SMIM13: variants seen among roughly 807,000 people sequenced by gnomAD.
SMIM13 encodes UPF0766 protein C6orf228.
SMIM13 carries 3 observed loss-of-function variants against 5.9 expected under a neutral mutation model. The observed-to-expected ratio is 0.51, with a 90% confidence interval of 0.23 to 1.31. SMIM13 has a LOEUF of 1.31. Ranked by LOEUF, SMIM13 falls within the 40% of genes most tolerant of loss-of-function variation. The probability of loss-of-function intolerance (pLI) is 0.18; values close to 1 mark genes in which losing one functional copy is unlikely to be tolerated. For missense variants in SMIM13, 85 were observed against 109.9 expected (o/e 0.77, Z 1.01); for synonymous variants, 55 against 46.0 (o/e 1.19, Z -0.79).
intron 1 of SMIM13, among the ~76,000 whole-genome samples, chr6:11,117,432 C>T (rs1318512430): frequency 6.6e-6 from 1 of 151,774 alleles, no homozygotes; most frequent in Non-Finnish European, 1.5e-5. Context: ...GCCTTGGCCT[C>T]CCAAGGTGTT....
Position 11,094,517 on chromosome 6 carries a change from T to A in SMIM13, c.76+128T>A, listed in dbSNP as rs78628325. 586 of 738,566 alleles carry A rather than the reference T, an allele frequency of 7.9e-4. 9 individuals are homozygous for A. The East Asian group carries it at 0.016, about 21-fold the overall frequency. The allele number at this position is 738,566 out of a possible 1,614,324, so 45.8% of individuals were successfully genotyped here. A position where few individuals can be genotyped will look rare whatever the true frequency, so the allele number is the denominator to read the frequency against. On this transcript the variant is annotated intron_variant, in intron 1 of 1. Coordinates refer to ENST00000416247, the MANE Select transcript of SMIM13 (RefSeq NM_001135575.2). The stretch of plus-strand genomic sequence containing the variant: ...GACGGACAATTGTCTTAAAATCAAC[T>A]GTTGTCCCTTAGCCTCTAGGGCTGA...
At position 11,134,634 on chromosome 6, in the gene SMIM13, G is replaced by A; in HGVS notation, c.*32G>A. ...ACTTGTGAAGGATGAAAAGGCAGTT[G>A]CCAGCTTCTGTCTTTTACTGACTTC... On this transcript the variant is annotated 3_prime_UTR_variant, in exon 2 of 2. Coordinates refer to ENST00000416247, the MANE Select transcript of SMIM13 (RefSeq NM_001135575.2). 1 of 1,403,852 alleles carries A rather than the reference G, an allele frequency of 7.1e-7. No individual in the cohort carries two copies. The highest frequency in any genetic ancestry group is 9.4e-7 in the Non-Finnish European group (1 of 1,065,800). The allele number at this position is 1,403,852 out of a possible 1,614,324, so 87.0% of individuals were successfully genotyped here.
At chr6:11,123,314 C>T (rs1328902860) in intron 1 of SMIM13, among the ~76,000 whole-genome samples, 2 of 152,220 alleles carry the variant, frequency 1.3e-5, no homozygotes, top group Admixed American at 6.5e-5. Flanking sequence ...GTGCTTGTCC[C>T]TCGTAAGGGC....
intron 1 of SMIM13, among the ~76,000 whole-genome samples, chr6:11,102,087 A>G (rs2113640378): frequency 6.6e-6 from 1 of 152,244 alleles, no homozygotes; most frequent in East Asian, 1.9e-4. Context: ...CAAAAATCTT[A>G]TTTTTAGGAA....
chr6:11,094,255 C>T lies in SMIM13; in HGVS notation c.-59C>T, dbSNP rs1757891780. The T allele has an allele frequency of 2.7e-6, 3 of 1,124,968 alleles. No homozygotes were observed. Among genetic ancestry groups the T allele is most frequent in the Non-Finnish European group, 3.4e-6 (3 of 872,162 alleles). The allele number at this position is 1,124,968 out of a possible 1,614,324, so 69.7% of individuals were successfully genotyped here. On this transcript the variant is annotated 5_prime_UTR_variant, in exon 1 of 2. Transcript: ENST00000416247. ...CGCTGAAGCGCAGGACGCGCCGCCG[C>T]CCGCGCTCACCGCCGTCCGCGCCAG...
Position 11,116,982 on chromosome 6 carries a change from C to CTTTT in SMIM13, c.77-17397_77-17394dup, listed in dbSNP as rs68092921. ...AATAGACATTTAATGATAATTGTTT[C>CTTTT]TTTTTTTTTTTTTTTTTTTTTTTTT... On this transcript the variant is annotated intron_variant, in intron 1 of 1. Coordinates refer to ENST00000416247, the MANE Select transcript of SMIM13 (RefSeq NM_001135575.2). Among the ~76,000 whole-genome samples the CTTTT allele has an allele frequency of 3.6e-3, 168 of 46,448 alleles. 44 individuals carry two copies. Among genetic ancestry groups the CTTTT allele is most frequent in the East Asian group, 0.016 (23 of 1,464 alleles). 30.5% of individuals were successfully genotyped at this position (46,448 alleles called of 152,430 possible). A position where few individuals can be genotyped will look rare whatever the true frequency, so the allele number is the denominator to read the frequency against.
chr6:11,109,826 G>C (rs1194432559), intron 1 of SMIM13, among the ~76,000 whole-genome samples: 1 of 152,140 alleles, frequency 6.6e-6, no homozygotes, highest in Non-Finnish European at 1.5e-5. Context: ...GTGGTACAGA[G>C]ACTTGATTAC....
intron 1 of SMIM13, among the ~76,000 whole-genome samples, chr6:11,129,158 A>T (rs565121613): frequency 1.3e-4 from 19 of 151,758 alleles, no homozygotes; most frequent in African/African-American, 4.6e-4. Context: ...TTTTATACCC[A>T]CTAATCAACC....
chr6:11,116,252 C>T (rs1046754489), intron 1 of SMIM13, among the ~76,000 whole-genome samples: 3 of 152,154 alleles, frequency 2.0e-5, no homozygotes, highest in African/African-American at 7.2e-5. Flanking sequence ...CTCTGGGCCT[C>T]AGGTGATCCG....
At position 11,094,345 on chromosome 6, in the gene SMIM13, T is replaced by C. The variant is rs1327573827; in HGVS notation, c.32T>C (p.Val11Ala). 1.3e-6 allele frequency: 2 copies of C among 1,536,096 alleles called. No homozygotes were observed. Among genetic ancestry groups the C allele is most frequent in the South Asian group, 2.4e-5 (2 of 83,698 alleles). MWHSVGLTLL[V>A]FVATLLIVLL... ...CACAGCGTCGGGCTGACTCTGCTTG[T>C]GTTCGTGGCCACGCTGCTGATCGTC... The change falls in exon 1 of 2, where the codon GTG becomes GCG. Residue 11 changes from valine (V) to alanine (A), a missense_variant. By Grantham distance (64) the Val-to-Ala change is moderately conservative. Coordinates refer to ENST00000416247, the MANE Select transcript of SMIM13 (RefSeq NM_001135575.2).
intron 1 of SMIM13, among the ~76,000 whole-genome samples, chr6:11,116,401 G>A (rs1417618648): frequency 6.6e-6 from 1 of 152,158 alleles, no homozygotes; most frequent in Non-Finnish European, 1.5e-5. Flanking sequence ...ATTACACAAA[G>A]GATTGACTCA....
chr6:11,102,695 GC>G (rs1264782192), intron 1 of SMIM13: 1 of 152,198 alleles, frequency 6.6e-6, no homozygotes, highest in East Asian at 1.9e-4. Context: ...AGCTTGTTTG[GC>G]TGTTTACACT....
At chr6:11,129,590 T>G (rs1181744264) in intron 1 of SMIM13, among the ~76,000 whole-genome samples, 2 of 152,260 alleles carry the variant, frequency 1.3e-5, no homozygotes, top group East Asian at 3.9e-4. Context: ...TGTTTTTAGT[T>G]TTTTGAGGAA....
chr6:11,101,532 T>A (rs564565843), intron 1 of SMIM13, among the ~76,000 whole-genome samples: 1 of 152,216 alleles, frequency 6.6e-6, no homozygotes, highest in Non-Finnish European at 1.5e-5. Flanking sequence ...ACCAAATCCA[T>A]CTTGGAGGGG....
intron 1 of SMIM13, among the ~76,000 whole-genome samples, chr6:11,097,985 C>A (rs1407452229): frequency 6.6e-6 from 1 of 152,094 alleles, no homozygotes; most frequent in Non-Finnish European, 1.5e-5. Context: ...ATGGACTCCT[C>A]TTCCTTGAAT....
At chr6:11,098,297 C>G (rs1757950341) in intron 1 of SMIM13, among the ~76,000 whole-genome samples, 1 of 152,214 alleles carries the variant, frequency 6.6e-6, no homozygotes, top group African/African-American at 2.4e-5. Context: ...AGTGATGCTG[C>G]TGTTGTCAAA....
intron 1 of SMIM13, among the ~76,000 whole-genome samples, chr6:11,109,026 C>T (rs1287288126): frequency 6.6e-6 from 1 of 152,228 alleles, no homozygotes; most frequent in Non-Finnish European, 1.5e-5. Context: ...TGCTCATGTA[C>T]TCCCCTGGAT....
chr6:11,114,578 C>T (rs1758211960), intron 1 of SMIM13, among the ~76,000 whole-genome samples: 1 of 96,786 alleles, frequency 1.0e-5, no homozygotes, highest in African/African-American at 4.0e-5. Context: ...TTGAGATGGT[C>T]ATGCACTTTT....
In SMIM13 at chr6:11,105,696, G is replaced by T. The variant is rs143470086; in HGVS notation, c.76+11307G>T. On this transcript the variant is annotated intron_variant, in intron 1 of 1. Coordinates refer to ENST00000416247, the MANE Select transcript of SMIM13 (RefSeq NM_001135575.2). ...AATAGGAGTTTGTTGGGAATTTGGG[G>T]TTCCATCCTTCCAGGCGTTAATGAG... is the stretch of plus-strand genomic sequence containing the variant. The T allele has an allele frequency of 3.6e-3, 679 of 191,214 alleles. 2 individuals carry two copies. The highest frequency in any genetic ancestry group is 0.015 in the African/African-American group (641 of 42,178). 11.8% of individuals were successfully genotyped at this position (191,214 alleles called of 1,614,324 possible).
Sources: gnomAD v4.1 joint callset for allele counts (sites outside exome capture counted in the v4.1 genomes callset) on GRCh38, gnomAD v4.1.1 for gene constraint, MANE v1.5 for transcripts, NCBI Gene and HGNC (gene_info 2026-07-23, HGNC 2026-07-21) for gene names.